The following RASSF2 variants were observed in gnomAD, a reference collection of about 807,000 sequenced individuals.
RASSF2 encodes the protein ras association domain-containing protein 2.
In RASSF2, 34 loss-of-function variants were observed where a neutral mutation model predicts 46.3. That is an observed-to-expected ratio of 0.73 (90% CI 0.56 to 0.98). The LOEUF (loss-of-function observed/expected upper bound fraction) is 0.98. Among genes scored for constraint, RASSF2 ranks in the 50% least tolerant of loss-of-function variants. The pLI, the probability that RASSF2 is intolerant of heterozygous loss-of-function variation, is 0.00. For synonymous variants in RASSF2, 158 were observed against 162.5 expected (o/e 0.97, Z 0.21); for missense variants, 364 against 431.2 (o/e 0.84, Z 1.38).
chr20:4,792,373 G>T (rs551558114), intron 6 of RASSF2, among the ~76,000 whole-genome samples, 166 bp downstream of exon 6: 5 of 152,228 alleles, frequency 3.3e-5, no homozygotes, highest in South Asian at 4.1e-4. Context: ...ATGTTCTCGG[G>T]ATGCTTCTAG....
At chr20:4,786,139 C>T (rs1568561870) in intron 11 of RASSF2, 92 bp downstream of exon 11, 1 of 1,017,594 alleles carries the variant, frequency 9.8e-7, no homozygotes, top group East Asian at 2.4e-5. Flanking sequence ...GCCCATGCAG[C>T]AGCTCAGCAC....
At chr20:4,801,931 G>C (rs1164566276) in intron 2 of RASSF2, among the ~76,000 whole-genome samples, 1 of 152,030 alleles carries the variant, frequency 6.6e-6, no homozygotes, top group African/African-American at 2.4e-5. Context: ...GTAGAGGAAG[G>C]GTTTCACCAT....
Position 4,797,991 on chromosome 20 carries a change from G to A in RASSF2, c.135+19C>T, listed in dbSNP as rs367646939. The A allele has an allele frequency of 1.4e-4, 227 of 1,613,200 alleles. No individual in the cohort carries two copies. The highest frequency in any genetic ancestry group is 8.3e-5 in the Admixed American group (5 of 59,996). On this transcript the variant is annotated intron_variant, in intron 4 of 11. Transcript: ENST00000379400. ...AGCCCTGGACTAGCCAATCAGGGCCGTCCCTGGGGACTCCTTACCTCCCGG... is the reference window on the plus strand; with the variant it reads ...AGCCCTGGACTAGCCAATCAGGGCCATCCCTGGGGACTCCTTACCTCCCGG...
chr20:4,810,315 T>A (rs761717784), intron 2 of RASSF2, among the ~76,000 whole-genome samples: 36 of 152,052 alleles, frequency 2.4e-4, no homozygotes, highest in Admixed American at 9.8e-4. Context: ...CAAGAACAAA[T>A]GCAGGGCTGG....
intron 8 of RASSF2, among the ~76,000 whole-genome samples, chr20:4,789,389 G>C (rs993552627): frequency 6.6e-6 from 1 of 152,194 alleles, no homozygotes; most frequent in African/African-American, 2.4e-5. Context: ...GGTGGGGCCT[G>C]AGAATCTGAA....
intron 3 of RASSF2, among the ~76,000 whole-genome samples, chr20:4,799,161 T>G (rs1223688323): frequency 2.0e-5 from 3 of 152,072 alleles, no homozygotes; most frequent in Non-Finnish European, 4.4e-5. Context: ...ACTTTTTCAG[T>G]TCTAAAAATT....
At chr20:4,818,571 C>T (rs757539460) in intron 2 of RASSF2, among the ~76,000 whole-genome samples, 5 of 152,132 alleles carry the variant, frequency 3.3e-5, no homozygotes, top group Non-Finnish European at 7.3e-5. Flanking sequence ...GTGAAGTCAG[C>T]CATAGTGGGA....
chr20:4,820,452 A>G (rs531334121), intron 2 of RASSF2, among the ~76,000 whole-genome samples: 25 of 152,252 alleles, frequency 1.6e-4, no homozygotes, highest in African/African-American at 5.8e-4. Flanking sequence ...TTGAGGCTGC[A>G]TGAGCCATGA....
At chr20:4,823,378 C>A (rs966602479) in intron 1 of RASSF2, among the ~76,000 whole-genome samples, 179 bp downstream of exon 1, 1 of 152,096 alleles carries the variant, frequency 6.6e-6, no homozygotes, top group Non-Finnish European at 1.5e-5. Flanking sequence ...AAAGTGGGGG[C>A]GCCGCGGCTG....
At position 4,792,854 on chromosome 20, in the gene RASSF2, C is replaced by T. The variant is rs12624384; in HGVS notation, c.288-227G>A. 10,314 of 789,898 alleles carry T rather than the reference C, an allele frequency of 0.013. 297 individuals are homozygous for T. Among genetic ancestry groups the T allele is most frequent in the East Asian group, 0.11 (3,570 of 33,036 alleles). The allele number at this position is 789,898 out of a possible 1,614,324, so 48.9% of individuals were successfully genotyped here. A position where few individuals can be genotyped will look rare whatever the true frequency, so the allele number is the denominator to read the frequency against. On this transcript the variant is annotated intron_variant, in intron 5 of 11. Transcript: ENST00000379400. ...GCAGTGGGTGGGGCAGGGGGAGTTC[C>T]GGAGGGAGAAGATGTTCTTTTGCAG...
In RASSF2 at chr20:4,801,068, T is replaced by A. The variant is rs1926827445; in HGVS notation, c.-32-6A>T. 1 of 1,608,698 alleles carries A rather than the reference T, an allele frequency of 6.2e-7. No homozygotes were observed. Among genetic ancestry groups the A allele is most frequent in the Non-Finnish European group, 8.5e-7 (1 of 1,175,218 alleles). ...TTTTCATCGGAAGGAGAGGCCTACA[T>A]TTGGAAGGAGAAGACAGAGGTTAAA... On this transcript the variant is annotated splice_region_variant and splice_polypyrimidine_tract_variant and intron_variant, in intron 2 of 11. Coordinates refer to ENST00000379400, the MANE Select transcript of RASSF2 (RefSeq NM_014737.3).
At chr20:4,789,498 C>T in intron 8 of RASSF2, 98 bp downstream of exon 8, 1 of 1,036,584 alleles carries the variant, frequency 9.6e-7, no homozygotes, top group Non-Finnish European at 1.5e-6. Flanking sequence ...CAGCATCCCA[C>T]AAAACACACA....
At chr20:4,805,043 C>A (rs1005706441) in intron 2 of RASSF2, among the ~76,000 whole-genome samples, 1 of 152,038 alleles carries the variant, frequency 6.6e-6, no homozygotes, top group Non-Finnish European at 1.5e-5. Context: ...GTGGCACGAG[C>A]AGAACCCCGA....
At chr20:4,806,125 C>T (rs956334332) in intron 2 of RASSF2, among the ~76,000 whole-genome samples, 5 of 152,000 alleles carry the variant, frequency 3.3e-5, no homozygotes, top group Non-Finnish European at 7.4e-5. Context: ...GGAAGGAGTC[C>T]CTGGAGAAAG....
In RASSF2 at chr20:4,788,069, A is replaced by G. The variant is rs75733701; in HGVS notation, c.691+148T>C. ...ATATAAGGCAATCCCTAGTAGACTCATACAGCAAGCCCATCAGCCTTGAAG... is the reference window on the plus strand; with the variant it reads ...ATATAAGGCAATCCCTAGTAGACTCGTACAGCAAGCCCATCAGCCTTGAAG... On this transcript the variant is annotated intron_variant, in intron 9 of 11. Transcript: ENST00000379400. 1.5e-3 allele frequency: 1,168 copies of G among 783,902 alleles called. 22 individuals are homozygous for G. In the East Asian group the frequency reaches 0.026, roughly 18 times the overall value. The allele number at this position is 783,902 out of a possible 1,614,324, so 48.6% of individuals were successfully genotyped here. A position where few individuals can be genotyped will look rare whatever the true frequency, so the allele number is the denominator to read the frequency against.
In RASSF2 at chr20:4,788,246, A is replaced by G; in HGVS notation, c.662T>C (p.Phe221Ser). 6.2e-7 allele frequency: 1 copy of G among 1,609,198 alleles called. No homozygotes were observed. Among genetic ancestry groups the G allele is most frequent in the Non-Finnish European group, 8.5e-7 (1 of 1,175,504 alleles). ...KFKIENSAEEFALYVVHTSGE... is the reference protein window; with the variant it reads ...KFKIENSAEESALYVVHTSGE... The stretch of plus-strand genomic sequence containing the variant: ...ACTCGTATGGACCACGTACAAGGCA[A>G]ACTCCTCTGCTGAATTCTCAATCTG... Residue 221 changes from phenylalanine to serine, a missense_variant, in exon 9 of 12, where the codon TTT becomes TCT. Physicochemically the swap from Phe to Ser is radical, Grantham distance 155. Transcript: ENST00000379400.
At chr20:4,801,462 C>A (rs1011652585) in intron 2 of RASSF2, among the ~76,000 whole-genome samples, 3 of 152,146 alleles carry the variant, frequency 2.0e-5, no homozygotes, top group African/African-American at 7.2e-5. Context: ...GGGTAAACCA[C>A]CTGAAAATGC....
intron 11 of RASSF2, among the ~76,000 whole-genome samples, chr20:4,785,332 CTG>C (rs1393037931): frequency 6.6e-6 from 1 of 152,220 alleles, no homozygotes; most frequent in Non-Finnish European, 1.5e-5. Flanking sequence ...GAGCAAGACT[CTG>C]TGTCAAAACA....
chr20:4,787,968 T>C (rs969874811), intron 9 of RASSF2, among the ~76,000 whole-genome samples: 1 of 152,112 alleles, frequency 6.6e-6, no homozygotes, highest in African/African-American at 2.4e-5. Flanking sequence ...CTTGGAGGAA[T>C]TGGGTTTATC....
Sources: gnomAD v4.1 joint callset for allele counts (sites outside exome capture counted in the v4.1 genomes callset) on GRCh38, gnomAD v4.1.1 for gene constraint, MANE v1.5 for transcripts, NCBI Gene and HGNC (gene_info 2026-07-23, HGNC 2026-07-21) for gene names.